The following PAICS variants were observed in gnomAD, a reference collection of about 807,000 sequenced individuals.
The protein encoded by PAICS is bifunctional phosphoribosylaminoimidazole carboxylase/phosphoribosylaminoimidazole succinocarboxamide synthetase.
Under a neutral mutation model 53.7 loss-of-function variants are expected in PAICS, and 33 were observed. The ratio of observed to expected loss-of-function variants is 0.61; its 90% CI spans 0.47 to 0.82. PAICS has a LOEUF of 0.82. Ranked by LOEUF, PAICS falls within the 40% of genes least tolerant of loss-of-function variation. The pLI is 0.00. For synonymous variants in PAICS, 141 were observed against 167.2 expected (o/e 0.84, Z 1.21); for missense variants, 394 against 494.1 (o/e 0.80, Z 1.92).
chr4:56,425,679 T>C, the PAICS span, among the ~76,000 whole-genome samples: 2 of 152,174 alleles, frequency 1.3e-5, no homozygotes, highest in Non-Finnish European at 2.9e-5. Flanking sequence ...TCTAGGTGGG[T>C]TCCCAGATAG....
At chr4:56,454,770 A>AT (rs1284695324) in intron 8 of PAICS, among the ~76,000 whole-genome samples, 1 of 150,734 alleles carries the variant, frequency 6.6e-6, no homozygotes, top group Non-Finnish European at 1.5e-5. Flanking sequence ...AAGTTTAGAT[A>AT]TTTTTTTCCC....
rs181402773 is a variant in PAICS, at chr4:56,453,751, A to G, written c.1101A>G (p.Arg367=). 316 of 1,545,540 alleles carry G rather than the reference A, an allele frequency of 2.0e-4. No individual in the cohort carries two copies. Among genetic ancestry groups the G allele is most frequent in the Non-Finnish European group, 2.7e-4 (305 of 1,141,860 alleles). ...TTCAGGATGTGTGGTCTTCTCTTCG[A>G]CTACCCAGTGGTAAGATACATTGAA... is the stretch of plus-strand genomic sequence containing the variant. The part of the protein sequence containing the change: ...WGVQDVWSSL[R]LPSGLGCSTV... Residue 367 remains arginine (R), a synonymous_variant, in exon 8 of 9, where the codon CGA becomes CGG. Coordinates refer to ENST00000512576, the MANE Select transcript of PAICS (RefSeq NM_001079524.2).
rs780270261 is a variant in PAICS, at chr4:56,451,959, G to T, written c.859G>T (p.Ala287Ser). 20 of 1,606,230 alleles carry T rather than the reference G, an allele frequency of 1.2e-5. No individual in the cohort carries two copies. The highest frequency in any genetic ancestry group is 1.7e-5 in the Admixed American group (1 of 59,060). ...DLGHCEKIKK[A>S]CGNFGIPCEL... ...TGGTCACTGTGAAAAAATCAAGAAGGCCTGTGGAAATTTTGGCATTCCATG... is the reference window on the plus strand; with the variant it reads ...TGGTCACTGTGAAAAAATCAAGAAGTCCTGTGGAAATTTTGGCATTCCATG... Residue 287 changes from alanine (A) to serine (S), a missense_variant, in exon 7 of 9, where the codon GCC (alanine) becomes TCC (serine). Ala to Ser is a moderately conservative substitution (Grantham distance 99). Around this residue, in one of 3 missense-constraint regions of PAICS, gnomAD observed 131 missense variants for 205.5 expected, o/e 0.64. Transcript: ENST00000512576.
chr4:56,457,026 C>T (rs533877629), intron 8 of PAICS, among the ~76,000 whole-genome samples: 70 of 152,248 alleles, frequency 4.6e-4, no homozygotes, highest in African/African-American at 1.7e-3. Flanking sequence ...ACATTAGTGT[C>T]TAGGTATTTT....
rs552728756 is a variant in PAICS, at chr4:56,445,456, G to A, written c.215-1239G>A. Among the ~76,000 whole-genome samples the A allele has an allele frequency of 2.5e-3, 374 of 152,106 alleles. 2 individuals are homozygous for A. Among genetic ancestry groups the A allele is most frequent in the African/African-American group, 8.6e-3 (355 of 41,510 alleles). On this transcript the variant is annotated intron_variant, in intron 2 of 8. Transcript: ENST00000512576. ...ACAAAAATTAGCCAGGCGTGGTGGTGCACACCTGTAATCCCAGCTACTCAG... is the reference window on the plus strand; with the variant it reads ...ACAAAAATTAGCCAGGCGTGGTGGTACACACCTGTAATCCCAGCTACTCAG...
At chr4:56,429,919 A>G in the PAICS span, among the ~76,000 whole-genome samples, 1 of 152,114 alleles carries the variant, frequency 6.6e-6, no homozygotes, top group African/African-American at 2.4e-5. Flanking sequence ...TTTACTCACA[A>G]CAGTAGTCTG....
At chr4:56,441,515 G>A (rs1028639394) in intron 1 of PAICS, 148 bp from the exon 2 acceptor site, 1 of 409,360 alleles carries the variant, frequency 2.4e-6, no homozygotes, top group Non-Finnish European at 4.4e-6. Flanking sequence ...GAAATACATT[G>A]TAGAGTATAT....
chr4:56,436,564 G>A (rs1717983507), intron 1 of PAICS: 1 of 704,322 alleles, frequency 1.4e-6, no homozygotes, highest in South Asian at 1.5e-5. Context: ...GTGGAAAGGT[G>A]CCTGGAAGTA....
In PAICS at chr4:56,461,240, G is replaced by A. The variant is rs1177235313; in HGVS notation, c.*1702G>A. 1 of 152,186 alleles carries A rather than the reference G, an allele frequency of 6.6e-6. No homozygotes were observed. Among genetic ancestry groups the A allele is most frequent in the African/African-American group, 2.4e-5 (1 of 41,458 alleles). 9.4% of individuals were successfully genotyped at this position (152,186 alleles called of 1,614,324 possible). A position where few individuals can be genotyped will look rare whatever the true frequency, so the allele number is the denominator to read the frequency against. On this transcript the variant is annotated 3_prime_UTR_variant, in exon 9 of 9. Transcript: ENST00000512576. The stretch of plus-strand genomic sequence containing the variant: ...CTTTATTTCCCTCACACTGTGTTAT[G>A]CTCTGATGTGCTATGCTTAGCTATC...
Position 56,453,741 on chromosome 4 carries a change from C to T in PAICS, c.1091C>T (p.Ser364Phe), listed in dbSNP as rs769276604. 3 of 1,547,274 alleles carry T rather than the reference C, an allele frequency of 1.9e-6. No individual in the cohort carries two copies. In the East Asian group the frequency reaches 7.3e-5, roughly 38 times the overall value. ...TPDWGVQDVW[S>F]SLRLPSGLGC... ...GACTGGGGAGTTCAGGATGTGTGGT[C>T]TTCTCTTCGACTACCCAGTGGTAAG... is the stretch of plus-strand genomic sequence containing the variant. The change falls in exon 8 of 9, where the codon TCT becomes TTT. Residue 364 changes from serine (S) to phenylalanine (F), a missense_variant. Transcript: ENST00000512576.
intron 3 of PAICS, among the ~76,000 whole-genome samples, chr4:56,448,216 A>G (rs1248129623): frequency 6.6e-6 from 1 of 151,900 alleles, no homozygotes; most frequent in African/African-American, 2.4e-5. Flanking sequence ...TGTGTTGGCC[A>G]GGCTGGTCTC....
intron 5 of PAICS, among the ~76,000 whole-genome samples, chr4:56,450,086 C>T (rs1267040088): frequency 6.6e-6 from 1 of 152,096 alleles, no homozygotes; most frequent in Non-Finnish European, 1.5e-5. Flanking sequence ...AAACCAAACA[C>T]CACATGTTCT....
chr4:56,429,395 A>G, the PAICS span, among the ~76,000 whole-genome samples: 14 of 152,234 alleles, frequency 9.2e-5, no homozygotes, highest in Non-Finnish European at 1.8e-4. Flanking sequence ...TCAATAATCA[A>G]TATAACATTT....
chr4:56,450,894 T>C (rs1200319410), intron 6 of PAICS, 192 bp downstream of exon 6: 3 of 462,880 alleles, frequency 6.5e-6, no homozygotes, highest in Non-Finnish European at 1.2e-5. Flanking sequence ...CTCAGCTCAC[T>C]GCAAGCTCCG....
chr4:56,433,938 C>T (rs1717751649), upstream of PAICS, among the ~76,000 whole-genome samples: 1 of 152,176 alleles, frequency 6.6e-6, no homozygotes, highest in East Asian at 1.9e-4. Context: ...GATCCGCCCG[C>T]CTCGGCCTCC....
chr4:56,445,090 C>G lies in PAICS; in HGVS notation c.215-1605C>G, dbSNP rs578218798. On this transcript the variant is annotated intron_variant, in intron 2 of 8. Transcript: ENST00000512576. ...TTACTTCCCCTCTTTTCATTTTTTC[C>G]TTAGGGTTTCTGTTCATGCAACATA... Among the ~76,000 whole-genome samples the G allele has an allele frequency of 4.0e-5, 6 of 151,826 alleles. No homozygotes were observed. In the East Asian group the frequency reaches 1.2e-3, roughly 29 times the overall value.
the PAICS span, among the ~76,000 whole-genome samples, chr4:56,423,840 A>G: frequency 6.6e-6 from 1 of 152,208 alleles, no homozygotes; most frequent in African/African-American, 2.4e-5. Flanking sequence ...TACGTAAGAA[A>G]AAAACTTAAA....
At chr4:56,418,325 TTTATC>T in the PAICS span, among the ~76,000 whole-genome samples, 1 of 152,018 alleles carries the variant, frequency 6.6e-6, no homozygotes, top group Non-Finnish European at 1.5e-5. Context: ...TTTATTTTAT[TTTATC>T]TTATTTTGAG....
chr4:56,438,598 T>TA (rs1248108494), intron 1 of PAICS, among the ~76,000 whole-genome samples: 1 of 151,408 alleles, frequency 6.6e-6, no homozygotes, highest in Admixed American at 6.6e-5. Context: ...CACACCCGGC[T>TA]AATTTTTTTT....
Sources: allele counts gnomAD v4.1 joint callset (sites outside exome capture counted in the v4.1 genomes callset), GRCh38; gene constraint gnomAD v4.1.1; regional missense constraint gnomAD v4.1.1; transcripts MANE v1.5; gene names NCBI Gene and HGNC (gene_info 2026-07-23, HGNC 2026-07-21).